Variants in ASPG observed in about 807,000 individuals in gnomAD.
ASPG encodes the protein asparaginase.
In ASPG, 53 loss-of-function variants were observed where a neutral mutation model predicts 63.2. The observed-to-expected ratio is 0.84, with a 90% CI of 0.67 to 1.05. The LOEUF is 1.05. ASPG is among the 50% of genes least tolerant of loss of function. The pLI is 0.00. For missense variants in ASPG, 741 were observed against 794.4 expected (o/e 0.93, Z 0.81); for synonymous variants, 370 against 355.0 (o/e 1.04, Z -0.48).
rs149901577 is a variant in ASPG, at chr14:104,093,378, C to T, written c.192-113C>T. On this transcript the variant is annotated intron_variant, in intron 2 of 15. Coordinates refer to ENST00000551177, the MANE Select transcript of ASPG (RefSeq NM_001080464.3). ...AACTTGCTATGTGCGGAGCCCTTGG[C>T]GTAGGGGCCCCAGCTCTGCCAGAGG... 561 of 969,122 alleles carry T rather than the reference C, an allele frequency of 5.8e-4. 3 individuals carry two copies. The highest frequency in any genetic ancestry group is 3.7e-3 in the Middle Eastern group (18 of 4,828). The allele number at this position is 969,122 out of a possible 1,614,324, so 60.0% of individuals were successfully genotyped here.
In ASPG at chr14:104,106,809, C is replaced by A. The variant is rs777671077; in HGVS notation, c.1184C>A (p.Ala395Asp). Residue 395 changes from alanine to aspartate, a missense_variant, in exon 11 of 16, where the codon GCC (alanine) becomes GAC (aspartate). Transcript: ENST00000551177. ...GCCTTCCCCACCTAGGAGGCAGATG[C>A]CCTGCGGAATGCCCTGGTGCCCAGC... ...LSLSGSQEAD[A>D]LRNALVPSLA... 1 of 1,597,556 alleles carries A rather than the reference C, an allele frequency of 6.3e-7. No individual in the cohort carries two copies. Among genetic ancestry groups the A allele is most frequent in the Admixed American group, 1.7e-5 (1 of 58,322 alleles).
At chr14:104,111,781 G>T (rs909234567) in intron 14 of ASPG, 139 bp from the exon 15 acceptor site, 2 of 988,464 alleles carry the variant, frequency 2.0e-6, no homozygotes, top group Admixed American at 4.6e-5. Flanking sequence ...GAGTGGTGGG[G>T]GTGACGAGAG....
intron 1 of ASPG, among the ~76,000 whole-genome samples, chr14:104,086,408 C>T (rs1210923100): frequency 2.6e-5 from 4 of 152,190 alleles, no homozygotes; most frequent in Middle Eastern, 3.2e-3. Flanking sequence ...TCCTCTGCCC[C>T]TGTGTGGACC....
In ASPG at chr14:104,107,286, G is replaced by A. The variant is rs1358482976; in HGVS notation, c.1374G>A (p.Val458=). 5.0e-6 allele frequency: 8 copies of A among 1,608,448 alleles called. No individual in the cohort carries two copies. Among genetic ancestry groups the A allele is most frequent in the Non-Finnish European group, 6.8e-6 (8 of 1,177,148 alleles). ...EAVTMLLQRG[V]DVNTRDTDGF... ...TCACCATGCTGCTGCAGAGAGGTGT[G>A]GACGTGAACACCCGGGACACGGATG... The change falls in exon 12 of 16, where the codon GTG becomes GTA. Residue 458 remains valine (V), a synonymous_variant. Coordinates refer to ENST00000551177, the MANE Select transcript of ASPG (RefSeq NM_001080464.3).
intron 4 of ASPG, among the ~76,000 whole-genome samples, chr14:104,096,074 C>T (rs1255265537): frequency 6.6e-6 from 1 of 152,362 alleles, no homozygotes; most frequent in Non-Finnish European, 1.5e-5. Flanking sequence ...CCTCTCTTTG[C>T]TCCGCCCACT....
rs1255844793 is a variant in ASPG at position 104,111,493 on chromosome 14, C to T, written c.1521-9C>T. ...GCCCCAACAACTCCTCCTCTGCCCC[C>T]ACCCCCAGGCTGGCATACAGGGCCG... On this transcript the variant is annotated splice_polypyrimidine_tract_variant and intron_variant, in intron 13 of 15. Transcript: ENST00000551177. 1 of 1,548,612 alleles carries T rather than the reference C, an allele frequency of 6.5e-7. No individual in the cohort carries two copies. Among genetic ancestry groups the T allele is most frequent in the East Asian group, 2.4e-5 (1 of 40,906 alleles).
At position 104,095,641 on chromosome 14, in the gene ASPG, C is replaced by A. The variant is rs1207383732; in HGVS notation, c.414C>A (p.Ile138=). ...FMLENLQKTV[I]LTGAQVPIHA... ...TGGAGAACCTGCAGAAGACTGTCATCCTCACTGGGGCCCAGGTAATCCCAG... is the reference window on the plus strand; with the variant it reads ...TGGAGAACCTGCAGAAGACTGTCATACTCACTGGGGCCCAGGTAATCCCAG... Residue 138 remains isoleucine (I), a synonymous_variant, in exon 4 of 16, where the codon ATC becomes ATA. Transcript: ENST00000551177. The A allele has an allele frequency of 6.2e-7, 1 of 1,612,904 alleles. No individual in the cohort carries two copies. Among genetic ancestry groups the A allele is most frequent in the Non-Finnish European group, 8.5e-7 (1 of 1,179,826 alleles).
chr14:104,111,234 T>C, intron 13 of ASPG: 1 of 949,628 alleles, frequency 1.1e-6, no homozygotes, highest in South Asian at 4.9e-5. Context: ...TGTATGCTGC[T>C]GTGTATGCTG....
chr14:104,112,923 A>C lies in ASPG; in HGVS notation c.*379A>C. ...CCAGCTGCCACTCCCCCTTCCTGCC[A>C]CCCTGCCTTTGCCCAGGCTGGTCCC... On this transcript the variant is annotated 3_prime_UTR_variant, in exon 16 of 16. Transcript: ENST00000551177. The C allele has an allele frequency of 6.4e-6, 2 of 310,636 alleles. No homozygotes were observed. The highest frequency in any genetic ancestry group is 1.2e-5 in the Non-Finnish European group (2 of 160,670). 19.2% of individuals were successfully genotyped at this position (310,636 alleles called of 1,614,324 possible).
At position 104,109,842 on chromosome 14, in the gene ASPG, A is replaced by G. The variant is rs567861492; in HGVS notation, c.1520+527A>G. 3.2e-4 allele frequency among the ~76,000 whole-genome samples: 48 copies of G among 152,188 alleles called. No individual in the cohort carries two copies. Among genetic ancestry groups the G allele is most frequent in the Non-Finnish European group, 5.7e-4 (39 of 67,996 alleles). ...CTCCACCTGCTGGCCGCATGGCACC[A>G]GTGGCCAGTGTGCCTTCCGATCTCA... is the stretch of plus-strand genomic sequence containing the variant. On this transcript the variant is annotated intron_variant, in intron 13 of 15. Coordinates refer to ENST00000551177, the MANE Select transcript of ASPG (RefSeq NM_001080464.3). This position sits in a 1 kb window ranked among gnomAD's most constrained non-coding sequence, Gnocchi z 4.8.
rs769203593 is a variant in ASPG at position 104,106,903 on chromosome 14, C to T, written c.1269+9C>T. 1 of 1,564,490 alleles carries T rather than the reference C, an allele frequency of 6.4e-7. No individual in the cohort carries two copies. On this transcript the variant is annotated intron_variant, in intron 11 of 15. Coordinates refer to ENST00000551177, the MANE Select transcript of ASPG (RefSeq NM_001080464.3). ...AGGCGCTTGTGGAGCTGGTGAGCCTCCCCCACCCTGGGGGCCCAGCCCCAG... is the reference window on the plus strand; with the variant it reads ...AGGCGCTTGTGGAGCTGGTGAGCCTTCCCCACCCTGGGGGCCCAGCCCCAG...
chr14:104,098,535 G>A (rs1439326549), intron 5 of ASPG, among the ~76,000 whole-genome samples: 1 of 152,180 alleles, frequency 6.6e-6, no homozygotes, highest in East Asian at 1.9e-4. Context: ...GTAAGAAGCA[G>A]GGTTGGGGGC....
rs772692969 is a variant in ASPG, at chr14:104,115,222, T to G, written c.*2678T>G. On this transcript the variant is annotated 3_prime_UTR_variant, in exon 16 of 16. Transcript: ENST00000551177. ...TGGAGGTAACCAGATTTCTCGTGTA[T>G]GCTAGGAAGTTCCCCTTCTGGTCAC... 7 of 152,238 alleles carry G rather than the reference T, an allele frequency of 4.6e-5. No homozygotes were observed. Among genetic ancestry groups the G allele is most frequent in the Non-Finnish European group, 8.8e-5 (6 of 68,058 alleles). 9.4% of individuals were successfully genotyped at this position (152,238 alleles called of 1,614,324 possible).
chr14:104,105,013 A>T, intron 9 of ASPG: 1 of 573,492 alleles, frequency 1.7e-6, no homozygotes, highest in South Asian at 2.2e-5. Context: ...GTCGCCAGGA[A>T]ATCCTCTCCT....
At chr14:104,106,988 G>T in intron 11 of ASPG, 94 bp downstream of exon 11, 3 of 1,369,684 alleles carry the variant, frequency 2.2e-6, no homozygotes, top group South Asian at 2.7e-5. Flanking sequence ...TCCACCCACT[G>T]ACCACACTAA....
At chr14:104,095,414 C>G (rs2036551108) in intron 3 of ASPG, 117 bp from the exon 4 acceptor site, 1 of 1,436,756 alleles carries the variant, frequency 7.0e-7, no homozygotes, top group Admixed American at 1.9e-5. Context: ...GCCAGGGTCC[C>G]ACGGGTGCCT....
chr14:104,107,097 C>T, intron 11 of ASPG, 85 bp from the exon 12 acceptor site: 7 of 1,484,380 alleles, frequency 4.7e-6, no homozygotes, highest in African/African-American at 1.4e-5. Context: ...TGGGCCCTAC[C>T]CTCAGAGGGA....
At position 104,104,717 on chromosome 14, in the gene ASPG, C is replaced by G. The variant is rs8012505; in HGVS notation, c.1032C>G (p.Ser344Arg). ...LSYVLGQPGL[S>R]LDVRKELLTK... ...ATGTGCTGGGCCAGCCAGGGCTGAG[C>G]CTGGATGTCAGGAAGGAGGTGCGGG... Residue 344 changes from serine to arginine, a missense_variant, in exon 9 of 16, where the codon AGC becomes AGG. Transcript: ENST00000551177. 0.13 allele frequency: 203,451 copies of G among 1,598,926 alleles called. 13,379 individuals carry two copies. Among genetic ancestry groups the G allele is most frequent in the Middle Eastern group, 0.14 (849 of 5,932 alleles).
At chr14:104,097,891 C>T (rs916365974) in intron 5 of ASPG, among the ~76,000 whole-genome samples, 15 of 129,354 alleles carry the variant, frequency 1.2e-4, no homozygotes, top group African/African-American at 3.0e-4. Context: ...TATGGAGGTT[C>T]TGCGTTAGAG....
Sources: allele counts gnomAD v4.1 joint callset (sites outside exome capture counted in the v4.1 genomes callset), GRCh38; gene constraint gnomAD v4.1.1; non-coding constraint Gnocchi (gnomAD v3.1); transcripts MANE v1.5; gene names NCBI Gene and HGNC (gene_info 2026-07-23, HGNC 2026-07-21).